Variants in CYSTM1 observed in about 807,000 individuals in gnomAD.
CYSTM1 encodes the protein cysteine-rich transmembrane module-containing protein 1.
CYSTM1 carries 4 observed loss-of-function variants against 13.1 expected under a neutral mutation model. The ratio of observed to expected loss-of-function variants is 0.31; its 90% CI spans 0.15 to 0.70. The LOEUF is 0.70. Ranked by LOEUF, CYSTM1 falls within the 30% of genes least tolerant of loss-of-function variation. The pLI, the probability that CYSTM1 is intolerant of heterozygous loss-of-function variation, is 0.72. For missense variants in CYSTM1, 96 were observed against 121.6 expected, an observed-to-expected ratio of 0.79 and a Z score of 0.99; for synonymous variants, 36 against 42.7, an observed-to-expected ratio of 0.84 and a Z score of 0.62.
rs1039078387 is a variant in CYSTM1 at position 140,230,987 on chromosome 5, A to T, written c.188-12318A>T. Reference sequence around the variant, plus strand: ...TCATCTACATTTTAGAATGTGTGTTAGTTTCTACAGAAAACCATGTTTGGC... The same window carrying T: ...TCATCTACATTTTAGAATGTGTGTTTGTTTCTACAGAAAACCATGTTTGGC... On this transcript the variant is annotated intron_variant, in intron 2 of 2. Transcript: ENST00000261811. This position sits in a 1 kb window ranked among gnomAD's most constrained non-coding sequence, Gnocchi z 4.1. 3.9e-5 allele frequency among the ~76,000 whole-genome samples: 6 copies of T among 152,132 alleles called. No homozygotes were observed. The highest frequency in any genetic ancestry group is 3.3e-4 in the Admixed American group (5 of 15,270).
intron 2 of CYSTM1, among the ~76,000 whole-genome samples, chr5:140,234,138 T>C (rs1381875885): frequency 6.6e-6 from 1 of 152,238 alleles, no homozygotes; most frequent in African/African-American, 2.4e-5. Context: ...AGTTTTTGTA[T>C]AAAATGTGAG....
chr5:140,229,699 A>G (rs534678912), intron 2 of CYSTM1, among the ~76,000 whole-genome samples: 21 of 151,720 alleles, frequency 1.4e-4, no homozygotes, highest in African/African-American at 4.6e-4. Context: ...TTATTTATGT[A>G]TTTATTTATT....
chr5:140,184,856 AAGTTT>A (rs1763998810), intron 1 of CYSTM1, among the ~76,000 whole-genome samples: 1 of 152,208 alleles, frequency 6.6e-6, no homozygotes, highest in African/African-American at 2.4e-5. Context: ...TGTACCTACC[AAGTTT>A]AGTATTGGAG....
chr5:140,240,457 G>C (rs2126673878), intron 2 of CYSTM1, among the ~76,000 whole-genome samples: 1 of 151,962 alleles, frequency 6.6e-6, no homozygotes, highest in Non-Finnish European at 1.5e-5. Flanking sequence ...TGCCAGCTAA[G>C]CCTCAGTGCA....
chr5:140,202,381 A>T lies in CYSTM1; in HGVS notation c.187+7729A>T, dbSNP rs1005637265. 2.6e-5 allele frequency: 4 copies of T among 152,356 alleles called. No homozygotes were observed. The East Asian group carries it at 7.7e-4, about 29-fold the overall frequency. The allele number at this position is 152,356 out of a possible 1,614,324, so 9.4% of individuals were successfully genotyped here. On this transcript the variant is annotated intron_variant, in intron 2 of 2. Transcript: ENST00000261811. ...CCTAAGGATTAGATCCAAAAGGTCC[A>T]TTTGGCAGCCAGATCTTGCCAGAGC...
chr5:140,240,603 A>G (rs1225890844), intron 2 of CYSTM1, among the ~76,000 whole-genome samples: 1 of 151,896 alleles, frequency 6.6e-6, no homozygotes, highest in Non-Finnish European at 1.5e-5. Flanking sequence ...AGCAGAGCAG[A>G]ATGCCAGGAA....
intron 2 of CYSTM1, among the ~76,000 whole-genome samples, chr5:140,220,021 T>C (rs1184830483): frequency 6.6e-6 from 1 of 152,200 alleles, no homozygotes; most frequent in Non-Finnish European, 1.5e-5. Context: ...ATTTCCCTGA[T>C]TTCTGTTTAG....
intron 1 of CYSTM1, among the ~76,000 whole-genome samples, chr5:140,179,223 G>A (rs11745502): frequency 0.51 from 76,718 of 150,914 alleles, 19,740 homozygotes; most frequent in East Asian, 0.55. Context: ...TCACGCCACC[G>A]CACTCCAGCC....
intron 2 of CYSTM1, among the ~76,000 whole-genome samples, chr5:140,222,308 G>A (rs1273299241): frequency 6.6e-6 from 1 of 152,196 alleles, no homozygotes; most frequent in Non-Finnish European, 1.5e-5. Context: ...TTACATATGT[G>A]TAACTTCCTA....
At chr5:140,238,439 C>T (rs1400484011) in intron 2 of CYSTM1, among the ~76,000 whole-genome samples, 1 of 152,220 alleles carries the variant, frequency 6.6e-6, no homozygotes, top group Non-Finnish European at 1.5e-5. Flanking sequence ...GGGCTGGTCC[C>T]TCTGCTGTTC....
intron 2 of CYSTM1, among the ~76,000 whole-genome samples, chr5:140,242,350 G>C (rs146045815): frequency 6.6e-5 from 10 of 152,260 alleles, no homozygotes; most frequent in Non-Finnish European, 1.5e-4. Context: ...AGGCGCTGCC[G>C]AGAGAGGTCT....
chr5:140,213,023 CAGAG>C (rs1226694385), intron 2 of CYSTM1, among the ~76,000 whole-genome samples: 3 of 106,656 alleles, frequency 2.8e-5, no homozygotes, highest in African/African-American at 9.2e-5. Flanking sequence ...GAGAGAGAGA[CAGAG>C]AGAGAGAGAA....
chr5:140,182,698 G>A lies in CYSTM1; in HGVS notation c.-21+7413G>A, dbSNP rs1334368610. ...TCCTTTCACATATAGAGAACTGTTT[G>A]TGGATGTTGCTAATGATAGAAACTG... On this transcript the variant is annotated intron_variant, in intron 1 of 2. Coordinates refer to ENST00000261811, the MANE Select transcript of CYSTM1 (RefSeq NM_032412.4). Among the ~76,000 whole-genome samples, 3 of 151,550 alleles carry A rather than the reference G, an allele frequency of 2.0e-5. 1 individual carries two copies. The highest frequency in any genetic ancestry group is 7.3e-5 in the African/African-American group (3 of 41,156).
chr5:140,194,455 A>G lies in CYSTM1; in HGVS notation c.-11A>G, dbSNP rs762228199. 4 of 1,568,960 alleles carry G rather than the reference A, an allele frequency of 2.5e-6. No homozygotes were observed. Among genetic ancestry groups the G allele is most frequent in the Non-Finnish European group, 3.4e-6 (4 of 1,165,298 alleles). Reference sequence around the variant, plus strand: ...TCTTTTTGTCTCTTAGGTGCACTTTACAGGTCCCCGATGAACCAAGAGAAC... The same window carrying G: ...TCTTTTTGTCTCTTAGGTGCACTTTGCAGGTCCCCGATGAACCAAGAGAAC... On this transcript the variant is annotated 5_prime_UTR_variant, in exon 2 of 3. Transcript: ENST00000261811.
At chr5:140,177,070 A>AAAAAAAAAAACAAAAAAAAAAC (rs1763898498) in intron 1 of CYSTM1, among the ~76,000 whole-genome samples, 1 of 145,334 alleles carries the variant, frequency 6.9e-6, no homozygotes, top group African/African-American at 2.7e-5. Flanking sequence ...CTCTGTCTCA[A>AAAAAAAAAAACAAAAAAAAAAC]AAAAAAAAAA....
intron 1 of CYSTM1, among the ~76,000 whole-genome samples, chr5:140,188,778 C>CAAAAAAA (rs34915397): frequency 1.8e-5 from 2 of 113,434 alleles, no homozygotes; most frequent in Non-Finnish European, 3.5e-5. Flanking sequence ...GACTCCGTCT[C>CAAAAAAA]AAAAAAAAAA....
chr5:140,187,925 C>T (rs919372644), intron 1 of CYSTM1, among the ~76,000 whole-genome samples: 5 of 151,368 alleles, frequency 3.3e-5, no homozygotes, highest in Admixed American at 2.0e-4. Flanking sequence ...ATTGCAACTA[C>T]AAAAATCACC....
chr5:140,180,865 G>T (rs1443231654), intron 1 of CYSTM1, among the ~76,000 whole-genome samples: 4 of 152,196 alleles, frequency 2.6e-5, no homozygotes, highest in Non-Finnish European at 5.9e-5. Flanking sequence ...AGGAGGGTTT[G>T]ATCTACCTGA....
intron 2 of CYSTM1, among the ~76,000 whole-genome samples, chr5:140,241,865 T>G: frequency 6.6e-6 from 1 of 152,174 alleles, no homozygotes; most frequent in East Asian, 1.9e-4. Flanking sequence ...TTCTGATCCC[T>G]TTTCTATCCC....
Sources: allele counts gnomAD v4.1 joint callset (sites outside exome capture counted in the v4.1 genomes callset), GRCh38; gene constraint gnomAD v4.1.1; non-coding constraint Gnocchi (gnomAD v3.1); transcripts MANE v1.5; gene names NCBI Gene and HGNC (gene_info 2026-07-23, HGNC 2026-07-21).